AGAP1: variants seen among roughly 807,000 people sequenced by gnomAD.
AGAP1 encodes the protein arf-GAP with GTPase, ANK repeat and PH domain-containing protein 1.
A neutral mutation model predicts 105.3 loss-of-function variants in AGAP1; 29 were observed. The observed-to-expected ratio is 0.28, with a 90% CI of 0.21 to 0.38. The LOEUF is 0.38. AGAP1 is among the 10% of genes least tolerant of loss of function. AGAP1 has a pLI of 1.00. For missense variants in AGAP1, 998 were observed against 1,165.1 expected, an observed-to-expected ratio of 0.86 and a Z score of 2.09; for synonymous variants, 509 against 485.9, an observed-to-expected ratio of 1.05 and a Z score of -0.63.
rs139038944 is a variant in AGAP1 at position 235,865,967 on chromosome 2, C to T, written c.1051-17378C>T. On this transcript the variant is annotated intron_variant, in intron 9 of 17. Transcript: ENST00000304032. This position sits in a 1 kb window ranked among gnomAD's most constrained non-coding sequence, Gnocchi z 6.2. Reference sequence around the variant, plus strand: ...TTATCGATTTACTTCTTTCACTTAACGGCATTTTCTGCAGCTTGAATGAAA... The same window carrying T: ...TTATCGATTTACTTCTTTCACTTAATGGCATTTTCTGCAGCTTGAATGAAA... 5.9e-5 allele frequency among the ~76,000 whole-genome samples: 9 copies of T among 152,178 alleles called. No individual in the cohort carries two copies. The highest frequency in any genetic ancestry group is 3.9e-4 in the East Asian group (2 of 5,194).
intron 10 of AGAP1, among the ~76,000 whole-genome samples, chr2:235,902,385 A>T (rs905832042): frequency 1.3e-5 from 2 of 152,192 alleles, no homozygotes; most frequent in Admixed American, 1.3e-4. Flanking sequence ...CATCCAACTG[A>T]CTTGCCCTTT....
At chr2:235,763,380 G>A (rs959886666) in intron 6 of AGAP1, among the ~76,000 whole-genome samples, 1 of 152,104 alleles carries the variant, frequency 6.6e-6, no homozygotes, top group African/African-American at 2.4e-5. Context: ...TTCCCACCCT[G>A]TGGTTATTGA....
Position 235,744,627 on chromosome 2 carries a change from T to C in AGAP1, c.397-71T>C. 6.3e-7 allele frequency: 1 copy of C among 1,587,358 alleles called. No individual in the cohort carries two copies. The highest frequency in any genetic ancestry group is 8.6e-7 in the Non-Finnish European group (1 of 1,159,666). ...TGCAGCCCCCTGCTGCCTGCCGCCA[T>C]GCAGACATCTCTGTTCTTAATCAAG... On this transcript the variant is annotated intron_variant, in intron 4 of 17. Transcript: ENST00000304032. The surrounding 1 kb of genome is among the most constrained non-coding windows in gnomAD (Gnocchi z 5.2).
chr2:235,709,150 G>A, intron 1 of AGAP1, 29 bp from the exon 2 acceptor site: 1 of 1,612,930 alleles, frequency 6.2e-7, no homozygotes, highest in South Asian at 1.1e-5. Context: ...GAGTTATGGT[G>A]TCTGACTTTG....
chr2:235,890,857 C>T (rs1315895487), intron 10 of AGAP1, among the ~76,000 whole-genome samples: 1 of 149,308 alleles, frequency 6.7e-6, no homozygotes, highest in Non-Finnish European at 1.5e-5. Context: ...TCTCAGCAAA[C>T]TCAAGCTAAT....
intron 4 of AGAP1, among the ~76,000 whole-genome samples, chr2:235,743,436 A>G (rs148769215): frequency 3.3e-5 from 5 of 152,126 alleles, no homozygotes; most frequent in Admixed American, 1.3e-4. Context: ...AAGAGACAGG[A>G]AGAGCCTTTC....
At chr2:236,024,697 T>C (rs1033904792) in intron 13 of AGAP1, among the ~76,000 whole-genome samples, 38 of 152,382 alleles carry the variant, frequency 2.5e-4, no homozygotes, top group African/African-American at 9.1e-4. Flanking sequence ...AGGGATTCCT[T>C]GTGAAATCAG....
In AGAP1 at chr2:235,977,466, C is replaced by A. The variant is rs1470577541; in HGVS notation, c.1645+8843C>A. Among the ~76,000 whole-genome samples, 1 of 152,104 alleles carries A rather than the reference C, an allele frequency of 6.6e-6. No homozygotes were observed. The highest frequency in any genetic ancestry group is 2.4e-5 in the African/African-American group (1 of 41,408). On this transcript the variant is annotated intron_variant, in intron 13 of 17. Coordinates refer to ENST00000304032, the MANE Select transcript of AGAP1 (RefSeq NM_001037131.3). The surrounding 1 kb of genome is among the most constrained non-coding windows in gnomAD (Gnocchi z 5.2). Reference sequence around the variant, plus strand: ...TCCTCAGCTGCATGTATTTTACACACAAAGTACAGGGATACAGATTGAAAT... The same window carrying A: ...TCCTCAGCTGCATGTATTTTACACAAAAAGTACAGGGATACAGATTGAAAT...
At chr2:235,816,985 C>T (rs1363081896) in intron 9 of AGAP1, among the ~76,000 whole-genome samples, 2 of 152,190 alleles carry the variant, frequency 1.3e-5, no homozygotes, top group African/African-American at 4.8e-5. Flanking sequence ...CAGTTCCTGA[C>T]AGCAGACTCA....
At chr2:235,548,654 C>A (rs868038228) in intron 1 of AGAP1, among the ~76,000 whole-genome samples, 310 of 135,000 alleles carry the variant, frequency 2.3e-3, no homozygotes, top group Middle Eastern at 4.0e-3. Context: ...ACTCCGTCTT[C>A]AAAAAAAAAA....
intron 16 of AGAP1, among the ~76,000 whole-genome samples, chr2:236,097,066 A>G (rs1299858941): frequency 1.3e-5 from 2 of 152,190 alleles, no homozygotes; most frequent in Admixed American, 6.5e-5. Context: ...TTTGGGATTC[A>G]AGTGAAACCT....
Position 235,840,767 on chromosome 2 carries a change from A to AG in AGAP1, c.1050+33437dup, listed in dbSNP as rs1960735090. On this transcript the variant is annotated intron_variant, in intron 9 of 17. Transcript: ENST00000304032. ...ATGTGGAGGATGAAGGAGAAAGAAG[A>AG]GTTTTTTTTTTTTTTATAAATGAGG... 3.6e-5 allele frequency among the ~76,000 whole-genome samples: 3 copies of AG among 82,708 alleles called. No individual in the cohort carries two copies. In the South Asian group the frequency reaches 1.7e-3, roughly 46 times the overall value. The allele number at this position is 82,708 out of a possible 152,430, so 54.3% of individuals were successfully genotyped here. A position where few individuals can be genotyped will look rare whatever the true frequency, so the allele number is the denominator to read the frequency against.
chr2:235,715,492 A>G (rs1022677577), intron 2 of AGAP1, among the ~76,000 whole-genome samples: 7 of 152,130 alleles, frequency 4.6e-5, no homozygotes, highest in Non-Finnish European at 1.0e-4. Context: ...AGGTGACAGG[A>G]GCAGTGAAGT....
chr2:235,725,657 C>T lies in AGAP1; in HGVS notation c.310+8013C>T, dbSNP rs752319092. 1.2e-4 allele frequency among the ~76,000 whole-genome samples: 19 copies of T among 152,088 alleles called. No homozygotes were observed. Among genetic ancestry groups the T allele is most frequent in the Non-Finnish European group, 2.5e-4 (17 of 68,026 alleles). On this transcript the variant is annotated intron_variant, in intron 3 of 17. Coordinates refer to ENST00000304032, the MANE Select transcript of AGAP1 (RefSeq NM_001037131.3). The surrounding 1 kb of genome is among the most constrained non-coding windows in gnomAD (Gnocchi z 5.7). ...TTTTTTAATGAGAATTATCTGTAAA[C>T]GTTGAGATGATGAGCCTGCTGCTAT...
chr2:236,056,902 A>G lies in AGAP1; in HGVS notation c.2114+7621A>G, dbSNP rs1350219098. On this transcript the variant is annotated intron_variant, in intron 16 of 17. Transcript: ENST00000304032. This position sits in a 1 kb window ranked among gnomAD's most constrained non-coding sequence, Gnocchi z 4.6. The stretch of plus-strand genomic sequence containing the variant: ...CCTTTTCTGCCAAATCCACGTCAGT[A>G]GCGGCATTGGGAGAACCGCCATGTT... Among the ~76,000 whole-genome samples the G allele has an allele frequency of 6.6e-6, 1 of 152,176 alleles. No individual in the cohort carries two copies. The highest frequency in any genetic ancestry group is 1.5e-5 in the Non-Finnish European group (1 of 68,040).
chr2:235,946,209 AC>A (rs2053492690), intron 12 of AGAP1, among the ~76,000 whole-genome samples: 1 of 151,080 alleles, frequency 6.6e-6, no homozygotes, highest in African/African-American at 2.4e-5. Context: ...GGGGGTGTAT[AC>A]CCTTCCAGTT....
At chr2:235,762,475 A>C (rs1443049858) in intron 6 of AGAP1, among the ~76,000 whole-genome samples, 1 of 152,170 alleles carries the variant, frequency 6.6e-6, no homozygotes, top group East Asian at 1.9e-4. Flanking sequence ...GCCTCATCGA[A>C]GCGTTGTGAC....
rs1275098634 is a variant in AGAP1, at chr2:235,623,231, AT to A, written c.164-85945del. Among the ~76,000 whole-genome samples the A allele has an allele frequency of 6.6e-6, 1 of 152,156 alleles. No homozygotes were observed. The highest frequency in any genetic ancestry group is 1.5e-5 in the Non-Finnish European group (1 of 68,042). ...TCTGAACGGATGGACTGTTTTGGAG[AT>A]TTATGCGTGTTCTGCAGGCTGACCT... is the stretch of plus-strand genomic sequence containing the variant. On this transcript the variant is annotated intron_variant, in intron 1 of 17. Transcript: ENST00000304032. The surrounding 1 kb of genome is among the most constrained non-coding windows in gnomAD (Gnocchi z 4.5).
Position 236,120,021 on chromosome 2 carries a change from T to C in AGAP1, c.2115-171T>C, listed in dbSNP as rs892377217. ...GCTGATGCTGCTGGTGAGGATACTG[T>C]TTTGTGAAGGTGGATAAACGTTTCC... On this transcript the variant is annotated intron_variant, in intron 16 of 17. Coordinates refer to ENST00000304032, the MANE Select transcript of AGAP1 (RefSeq NM_001037131.3). The surrounding 1 kb of genome is among the most constrained non-coding windows in gnomAD (Gnocchi z 6.0). Among the ~76,000 whole-genome samples, 2 of 152,202 alleles carry C rather than the reference T, an allele frequency of 1.3e-5. No individual in the cohort carries two copies. The highest frequency in any genetic ancestry group is 2.1e-4 in the South Asian group (1 of 4,804).
Sources: allele counts gnomAD v4.1 joint callset (sites outside exome capture counted in the v4.1 genomes callset), GRCh38; gene constraint gnomAD v4.1.1; non-coding constraint Gnocchi (gnomAD v3.1); transcripts MANE v1.5; gene names NCBI Gene and HGNC (gene_info 2026-07-23, HGNC 2026-07-21).